The following RBFOX1 variants were observed in gnomAD, a reference collection of about 807,000 sequenced individuals.
RBFOX1 encodes the protein RNA binding fox-1 homolog 1, also known as RNA binding protein fox-1 homolog 1.
Under a neutral mutation model 57.7 loss-of-function variants are expected in RBFOX1, and 8 were observed. The observed-to-expected ratio is 0.14, with a 90% CI of 0.08 to 0.25. The LOEUF (loss-of-function observed/expected upper bound fraction) is 0.25. RBFOX1 is among the 10% of genes least tolerant of loss of function. The pLI, the probability that RBFOX1 is intolerant of heterozygous loss-of-function variation, is 1.00. For synonymous variants in RBFOX1, 326 were observed against 222.4 expected (o/e 1.47, Z -4.15); for missense variants, 611 against 548.5 (o/e 1.11, Z -1.14).
chr16:7,475,823 A>G (rs4787025), intron 4 of RBFOX1, among the ~76,000 whole-genome samples: 1 of 152,102 alleles, frequency 6.6e-6, no homozygotes, highest in Non-Finnish European at 1.5e-5. Flanking sequence ...ATTTGAATAT[A>G]TGTTGGTAAC....
chr16:7,120,854 C>CAT (rs2067011870), intron 4 of RBFOX1, among the ~76,000 whole-genome samples: 1 of 149,388 alleles, frequency 6.7e-6, no homozygotes, highest in Non-Finnish European at 1.5e-5. Context: ...CACACACACA[C>CAT]ACACATACGT....
intron 13 of RBFOX1, among the ~76,000 whole-genome samples, chr16:7,668,328 C>T (rs537171259): frequency 6.6e-6 from 1 of 152,290 alleles, no homozygotes; most frequent in South Asian, 2.1e-4. Context: ...TGACCTCCTT[C>T]TGAAAGTTTT....
At chr16:7,112,714 A>G (rs1310286489) in intron 4 of RBFOX1, among the ~76,000 whole-genome samples, 1 of 78,968 alleles carries the variant, frequency 1.3e-5, no homozygotes. Flanking sequence ...CTGTCCGCAA[A>G]TGGGTCAAAG....
chr16:6,307,512 AAT>A (rs1248511337), intron 1 of RBFOX1, among the ~76,000 whole-genome samples: 5 of 149,062 alleles, frequency 3.4e-5, no homozygotes, highest in South Asian at 2.1e-4. Flanking sequence ...ATATGTAAAT[AAT>A]AGTCATTATA....
chr16:5,750,408 A>G (rs2079737), intron 3 of RBFOX1, among the ~76,000 whole-genome samples: 4,472 of 152,286 alleles, frequency 0.029, 216 homozygotes, highest in African/African-American at 0.1. Context: ...AGACAGGGAC[A>G]TTTAAGTCTG....
At chr16:5,564,495 G>T (rs1034700734) in intron 2 of RBFOX1, among the ~76,000 whole-genome samples, 2 of 152,032 alleles carry the variant, frequency 1.3e-5, no homozygotes, top group African/African-American at 4.8e-5. Flanking sequence ...AAACCCTCCT[G>T]ACATAGAACA....
At position 5,356,377 on chromosome 16, in the gene RBFOX1, C is replaced by T. The variant is rs1209774632; in HGVS notation, c.220-110839C>T. ...CATTTGTGGTAACTAGTAATGACAG[C>T]CGTAGGAAACTCTATAGGGACTAAA... On this transcript the variant is annotated intron_variant, in intron 1 of 2. Coordinates refer to the RBFOX1 transcript ENST00000585867. 2.6e-5 allele frequency among the ~76,000 whole-genome samples: 4 copies of T among 152,280 alleles called. No homozygotes were observed. The East Asian group carries it at 7.7e-4, about 29-fold the overall frequency.
intron 2 of RBFOX1, among the ~76,000 whole-genome samples, chr16:6,437,486 C>G (rs1306522468): frequency 1.3e-5 from 2 of 152,204 alleles, no homozygotes; most frequent in Non-Finnish European, 2.9e-5. Context: ...TCACAACCCA[C>G]TGACACTGCT....
chr16:5,589,797 C>T (rs9925576), intron 2 of RBFOX1, among the ~76,000 whole-genome samples: 30,592 of 152,182 alleles, frequency 0.2, 3,451 homozygotes, highest in African/African-American at 0.29. Flanking sequence ...CCCAGACAGA[C>T]TCCTGGCTTG....
At chr16:6,790,743 C>G (rs533428450) in intron 3 of RBFOX1, among the ~76,000 whole-genome samples, 72 of 152,250 alleles carry the variant, frequency 4.7e-4, no homozygotes, top group Non-Finnish European at 8.1e-4. Flanking sequence ...TCCTGTGTCT[C>G]TAGACCCTCC....
chr16:7,513,806 A>G (rs373316904), intron 4 of RBFOX1, among the ~76,000 whole-genome samples: 12 of 152,198 alleles, frequency 7.9e-5, no homozygotes, highest in African/African-American at 2.7e-4. Flanking sequence ...CCTTCTGCTC[A>G]TAAGCCCACT....
At chr16:6,588,407 A>G (rs1021687219) in intron 2 of RBFOX1, among the ~76,000 whole-genome samples, 1 of 151,026 alleles carries the variant, frequency 6.6e-6, no homozygotes, top group Non-Finnish European at 1.5e-5. Flanking sequence ...AATCCCAGCA[A>G]TTTGGGAGGC....
At chr16:6,888,610 C>G (rs956072011) in intron 3 of RBFOX1, among the ~76,000 whole-genome samples, 16 of 152,130 alleles carry the variant, frequency 1.1e-4, no homozygotes, top group African/African-American at 3.6e-4. Context: ...TTTTAGAGGT[C>G]TTTTGGTTCA....
chr16:6,973,876 G>C (rs1007616219), intron 3 of RBFOX1, among the ~76,000 whole-genome samples: 1 of 152,086 alleles, frequency 6.6e-6, no homozygotes, highest in Non-Finnish European at 1.5e-5. Context: ...CTGTCAAGCT[G>C]TCATCAACGT....
chr16:5,699,714 C>G (rs765155315), intron 3 of RBFOX1, among the ~76,000 whole-genome samples: 4 of 152,160 alleles, frequency 2.6e-5, no homozygotes, highest in Non-Finnish European at 5.9e-5. Context: ...ATGCACAGGA[C>G]AGCTCTTCAT....
intron 4 of RBFOX1, among the ~76,000 whole-genome samples, chr16:5,995,003 G>A (rs1011711880): frequency 6.6e-6 from 1 of 152,184 alleles, no homozygotes; most frequent in Non-Finnish European, 1.5e-5. Flanking sequence ...TGAGACAGGA[G>A]GAAAGGTTGG....
At chr16:6,677,042 T>A (rs1381994457) in intron 3 of RBFOX1, among the ~76,000 whole-genome samples, 1 of 152,208 alleles carries the variant, frequency 6.6e-6, no homozygotes, top group African/African-American at 2.4e-5. Flanking sequence ...AAAGGCACTT[T>A]TAAGTACTAA....
intron 3 of RBFOX1, among the ~76,000 whole-genome samples, chr16:6,749,557 C>G (rs1283961629): frequency 6.6e-6 from 1 of 152,178 alleles, no homozygotes; most frequent in Admixed American, 6.5e-5. Flanking sequence ...ATCCAGCAGG[C>G]AGCCATGCCG....
At chr16:5,813,298 G>A (rs28531907) in intron 3 of RBFOX1, among the ~76,000 whole-genome samples, 1,674 of 152,264 alleles carry the variant, frequency 0.011, 34 homozygotes, top group African/African-American at 0.039. Context: ...ATACAATTCA[G>A]TGGTGTTAAA....
Sources: gnomAD v4.1 joint callset for allele counts (sites outside exome capture counted in the v4.1 genomes callset) on GRCh38, gnomAD v4.1.1 for gene constraint, MANE v1.5 for transcripts, NCBI Gene and HGNC (gene_info 2026-07-23, HGNC 2026-07-21) for gene names.